The following RYR2 variants were observed in gnomAD, a reference collection of about 807,000 sequenced individuals.
RYR2 encodes the protein ryanodine receptor 2.
RYR2 carries 227 observed loss-of-function variants against 601.1 expected under a neutral mutation model. The observed-to-expected ratio is 0.38, with a 90% CI of 0.34 to 0.42. RYR2 has a LOEUF of 0.42. RYR2 is among the 10% of genes least tolerant of loss of function. The probability of loss-of-function intolerance (pLI) is 1.00; values close to 1 mark genes in which losing one functional copy is unlikely to be tolerated. For synonymous variants in RYR2, 2,223 were observed against 2,175.1 expected, an observed-to-expected ratio of 1.02 and a Z score of -0.61; for missense variants, 4,646 against 6,156.5, an observed-to-expected ratio of 0.75 and a Z score of 8.21.
At chr1:237,411,451 T>C (rs1030351720) in intron 10 of RYR2, among the ~76,000 whole-genome samples, 2 of 152,144 alleles carry the variant, frequency 1.3e-5, no homozygotes, top group Non-Finnish European at 2.9e-5. Context: ...AAGTGTATAA[T>C]ATGATTGATT....
chr1:237,046,943 A>T (rs1660674976), intron 1 of RYR2, among the ~76,000 whole-genome samples: 1 of 152,226 alleles, frequency 6.6e-6, no homozygotes, highest in Admixed American at 6.5e-5. Context: ...ATAGATATAG[A>T]GGATGGCATG....
chr1:237,406,325 G>A (rs182208912), intron 10 of RYR2, among the ~76,000 whole-genome samples: 1 of 149,520 alleles, frequency 6.7e-6, no homozygotes, highest in African/African-American at 2.5e-5. Context: ...GTACATTCGT[G>A]GATACAGGAA....
At chr1:237,457,827 TC>T (rs1442549255) in intron 16 of RYR2, among the ~76,000 whole-genome samples, 1 of 152,126 alleles carries the variant, frequency 6.6e-6, no homozygotes, top group Non-Finnish European at 1.5e-5. Context: ...ACCCTAACCC[TC>T]GCCTCCAAAA....
chr1:237,379,218 CTTGTTG>C (rs918134534), intron 8 of RYR2, among the ~76,000 whole-genome samples: 11 of 152,062 alleles, frequency 7.2e-5, no homozygotes, highest in African/African-American at 2.7e-4. Context: ...TGAATTTTTT[CTTGTTG>C]TTGTTGTTGT....
chr1:237,357,768 T>C (rs1699426064), intron 4 of RYR2, among the ~76,000 whole-genome samples: 1 of 152,220 alleles, frequency 6.6e-6, no homozygotes, highest in African/African-American at 2.4e-5. Context: ...AGCCTCTTTA[T>C]TGGCCGTAAT....
chr1:237,081,286 A>T (rs1379023998), intron 1 of RYR2, among the ~76,000 whole-genome samples: 146 of 146,712 alleles, frequency 1.0e-3, no homozygotes, highest in Middle Eastern at 3.5e-3. Flanking sequence ...ATAATAAAAA[A>T]AAAAAAAAAA....
At chr1:237,457,451 A>G (rs1658972881) in intron 16 of RYR2, among the ~76,000 whole-genome samples, 1 of 152,172 alleles carries the variant, frequency 6.6e-6, no homozygotes, top group Non-Finnish European at 1.5e-5. Context: ...CCTATTTGCA[A>G]GCTAGTAAGT....
At chr1:237,719,960 G>C (rs895445455) in intron 73 of RYR2, among the ~76,000 whole-genome samples, 1 of 152,210 alleles carries the variant, frequency 6.6e-6, no homozygotes, top group Non-Finnish European at 1.5e-5. Context: ...GAATAAGTGA[G>C]TTTACCTAAG....
rs1008000319 is a variant in RYR2 at position 237,595,664 on chromosome 1, G to A, written c.4596+7G>A. The A allele has an allele frequency of 8.7e-6, 14 of 1,604,532 alleles. No individual in the cohort carries two copies. Among genetic ancestry groups the A allele is most frequent in the African/African-American group, 4.0e-5 (3 of 74,392 alleles). ...ACTGAGCACATACTATCAGGTACGCGGTCAGTGATGATATCAGTCTTCTAG... is the reference window on the plus strand; with the variant it reads ...ACTGAGCACATACTATCAGGTACGCAGTCAGTGATGATATCAGTCTTCTAG... On this transcript the variant is annotated splice_region_variant and intron_variant, in intron 34 of 104. Coordinates refer to ENST00000366574, the MANE Select transcript of RYR2 (RefSeq NM_001035.3).
In RYR2 at chr1:237,560,331, A is replaced by T. The variant is rs572439796; in HGVS notation, c.3215-6236A>T. Among the ~76,000 whole-genome samples, 7 of 152,370 alleles carry T rather than the reference A, an allele frequency of 4.6e-5. No individual in the cohort carries two copies. The South Asian group carries it at 1.2e-3, about 27-fold the overall frequency. On this transcript the variant is annotated intron_variant, in intron 27 of 104. Transcript: ENST00000366574. ...CAAATTGCCTCAGATGATTTTCAAC[A>T]AATGTCCTTGGAGAAACAACTATTT...
intron 37 of RYR2, among the ~76,000 whole-genome samples, chr1:237,615,811 A>C (rs1678401829): frequency 1.3e-5 from 2 of 152,236 alleles, no homozygotes; most frequent in Admixed American, 1.3e-4. Flanking sequence ...GATTACTAAA[A>C]GAAAGAACAT....
At chr1:237,395,711 T>TAAA (rs1702791891) in intron 10 of RYR2, among the ~76,000 whole-genome samples, 1 of 151,930 alleles carries the variant, frequency 6.6e-6, no homozygotes, top group Non-Finnish European at 1.5e-5. Context: ...CACGCCTGGC[T>TAAA]AATTTTTTGT....
At chr1:237,594,917 T>TTTTTTTTG (rs1675706875) in intron 33 of RYR2, among the ~76,000 whole-genome samples, 1 of 84,210 alleles carries the variant, frequency 1.2e-5, no homozygotes. Context: ...TTTTTTTTTT[T>TTTTTTTTG]TTTTTTTTTT....
intron 3 of RYR2, among the ~76,000 whole-genome samples, chr1:237,345,860 A>G (rs1698259047): frequency 6.6e-6 from 1 of 151,882 alleles, no homozygotes; most frequent in Non-Finnish European, 1.5e-5. Flanking sequence ...AATTGTTCTT[A>G]TTCTTCTTGA....
chr1:237,060,643 A>G (rs1204707777), intron 1 of RYR2, among the ~76,000 whole-genome samples: 2 of 152,156 alleles, frequency 1.3e-5, no homozygotes, highest in South Asian at 4.1e-4. Flanking sequence ...TTGTTTTTCC[A>G]CTTTGTGCAA....
chr1:237,150,612 TCTC>T (rs1348409311), intron 1 of RYR2, among the ~76,000 whole-genome samples: 6 of 152,118 alleles, frequency 3.9e-5, no homozygotes, highest in Admixed American at 3.9e-4. Context: ...TGTACAAACA[TCTC>T]CTGTATTCTA....
intron 2 of RYR2, among the ~76,000 whole-genome samples, chr1:237,287,947 A>G (rs1361593752): frequency 1.3e-5 from 2 of 152,178 alleles, no homozygotes; most frequent in Non-Finnish European, 2.9e-5. Context: ...AGGCTCTGTC[A>G]GAGGGAGGGT....
intron 2 of RYR2, among the ~76,000 whole-genome samples, chr1:237,294,606 GATTA>G (rs1423453644): frequency 6.6e-6 from 1 of 152,082 alleles, no homozygotes; most frequent in Non-Finnish European, 1.5e-5. Context: ...TATTTTATTT[GATTA>G]ATCAGATACA....
intron 35 of RYR2, among the ~76,000 whole-genome samples, chr1:237,604,589 G>A (rs543149318): frequency 4.6e-5 from 7 of 152,226 alleles, no homozygotes; most frequent in South Asian, 4.2e-4. Context: ...AACTGAAGGA[G>A]ATAGAGACAC....
Sources: allele counts gnomAD v4.1 joint callset (sites outside exome capture counted in the v4.1 genomes callset), GRCh38; gene constraint gnomAD v4.1.1; transcripts MANE v1.5; gene names NCBI Gene and HGNC (gene_info 2026-07-23, HGNC 2026-07-21).